The following UNC5D variants were observed in gnomAD, a reference collection of about 807,000 sequenced individuals.
The protein encoded by UNC5D is netrin receptor UNC5D.
UNC5D carries 39 observed loss-of-function variants against 105.4 expected under a neutral mutation model. The ratio of observed to expected loss-of-function variants is 0.37; its 90% confidence interval spans 0.29 to 0.48. The LOEUF (loss-of-function observed/expected upper bound fraction) is 0.48. Ranked by LOEUF, UNC5D falls within the 20% of genes least tolerant of loss-of-function variation. UNC5D has a pLI of 0.98. For synonymous variants in UNC5D, 452 were observed against 450.4 expected (o/e 1.00, Z -0.04); for missense variants, 991 against 1,202.4 (o/e 0.82, Z 2.60).
intron 8 of UNC5D, among the ~76,000 whole-genome samples, chr8:35,712,225 T>C (rs991606060): frequency 5.9e-5 from 9 of 152,162 alleles, no homozygotes; most frequent in Admixed American, 5.9e-4. Flanking sequence ...GAGTCAACAT[T>C]GCGCCACTGT....
At chr8:35,761,743 T>C (rs1222878207) in intron 14 of UNC5D, among the ~76,000 whole-genome samples, 1 of 152,116 alleles carries the variant, frequency 6.6e-6, no homozygotes, top group Non-Finnish European at 1.5e-5. Context: ...ACCACCAATT[T>C]CCTTGCCCTT....
At chr8:35,370,601 T>G (rs374888400) in intron 1 of UNC5D, among the ~76,000 whole-genome samples, 3 of 152,334 alleles carry the variant, frequency 2.0e-5, no homozygotes, top group East Asian at 3.9e-4. Flanking sequence ...TGTCAGCTTT[T>G]TCTTTATTTC....
rs190867122 is a variant in UNC5D, at chr8:35,261,280, A to G, written c.103+25393A>G. ...TTTATTGCCAGTACCTTCTATACCC[A>G]TTGAGCTATTCAGAACCCTGCACAA... On this transcript the variant is annotated intron_variant, in intron 1 of 16. Coordinates refer to ENST00000404895, the MANE Select transcript of UNC5D (RefSeq NM_080872.4). Among the ~76,000 whole-genome samples the G allele has an allele frequency of 2.4e-4, 37 of 152,278 alleles. 1 individual carries two copies. Among genetic ancestry groups the G allele is most frequent in the Admixed American group, 2.4e-3 (37 of 15,288 alleles).
In UNC5D at chr8:35,337,923, C is replaced by T. The variant is rs191737925; in HGVS notation, c.103+102036C>T. Among the ~76,000 whole-genome samples the T allele has an allele frequency of 3.5e-3, 529 of 152,302 alleles. 5 individuals are homozygous for T. Among genetic ancestry groups the T allele is most frequent in the African/African-American group, 0.012 (507 of 41,570 alleles). ...TGCATTATCCAAATTGATTGGCATA[C>T]AGTAAAAATTTAATTTGCCTTTTGC... On this transcript the variant is annotated intron_variant, in intron 1 of 16. Coordinates refer to ENST00000404895, the MANE Select transcript of UNC5D (RefSeq NM_080872.4).
intron 4 of UNC5D, among the ~76,000 whole-genome samples, chr8:35,610,864 A>G (rs1820629441): frequency 6.6e-6 from 1 of 152,144 alleles, no homozygotes; most frequent in Admixed American, 6.6e-5. Flanking sequence ...TCACGGTTGC[A>G]CAATGGGAAA....
chr8:35,490,054 A>G (rs951217856), intron 1 of UNC5D, among the ~76,000 whole-genome samples: 2 of 152,232 alleles, frequency 1.3e-5, no homozygotes, highest in Non-Finnish European at 2.9e-5. Flanking sequence ...AGAGGAAAGG[A>G]TACATTATGA....
intron 12 of UNC5D, among the ~76,000 whole-genome samples, chr8:35,749,169 T>A (rs922130728): frequency 6.6e-6 from 1 of 152,200 alleles, no homozygotes; most frequent in African/African-American, 2.4e-5. Context: ...TATTTTTTTT[T>A]AGTTAACGAA....
intron 1 of UNC5D, among the ~76,000 whole-genome samples, chr8:35,272,434 A>T (rs1805475692): frequency 6.6e-6 from 1 of 152,146 alleles, no homozygotes. Context: ...CTTCAAGGTC[A>T]ATATCCTTGC....
intron 3 of UNC5D, among the ~76,000 whole-genome samples, chr8:35,575,690 T>C (rs1266952002): frequency 2.6e-5 from 4 of 152,108 alleles, no homozygotes. Context: ...TACAAAAGCT[T>C]GAAACTCTCC....
At chr8:35,492,532 C>T (rs370326711) in intron 1 of UNC5D, among the ~76,000 whole-genome samples, 48 of 152,160 alleles carry the variant, frequency 3.2e-4, no homozygotes, top group African/African-American at 1.1e-3. Flanking sequence ...GATTTTTCCT[C>T]TTCCTCTGAA....
intron 1 of UNC5D, among the ~76,000 whole-genome samples, chr8:35,323,316 A>G (rs1809896300): frequency 6.6e-6 from 1 of 151,594 alleles, no homozygotes; most frequent in Non-Finnish European, 1.5e-5. Flanking sequence ...TCTAAAAAGG[A>G]GTGGCTACCT....
At chr8:35,257,145 T>C (rs1804139914) in intron 1 of UNC5D, among the ~76,000 whole-genome samples, 1 of 151,980 alleles carries the variant, frequency 6.6e-6, no homozygotes, top group African/African-American at 2.4e-5. Flanking sequence ...CTAATTTTTT[T>C]ATTTGTAGTA....
At chr8:35,448,341 A>G (rs190804989) in intron 1 of UNC5D, among the ~76,000 whole-genome samples, 19 of 152,200 alleles carry the variant, frequency 1.2e-4, no homozygotes, top group Non-Finnish European at 2.5e-4. Flanking sequence ...TTATTTCAAA[A>G]TTGCTTTAAA....
chr8:35,568,566 G>A (rs1817514826), intron 3 of UNC5D, among the ~76,000 whole-genome samples: 1 of 152,192 alleles, frequency 6.6e-6, no homozygotes, highest in African/African-American at 2.4e-5. Context: ...GTGTGCGTCT[G>A]TCGTCCCAGC....
chr8:35,671,222 C>T (rs774997979), intron 4 of UNC5D, among the ~76,000 whole-genome samples: 1 of 152,070 alleles, frequency 6.6e-6, no homozygotes, highest in Non-Finnish European at 1.5e-5. Context: ...TATTTGTTTC[C>T]TTAATTGCTA....
chr8:35,624,552 C>T (rs1821583544), intron 4 of UNC5D, among the ~76,000 whole-genome samples: 1 of 152,130 alleles, frequency 6.6e-6, no homozygotes, highest in Non-Finnish European at 1.5e-5. Flanking sequence ...AATCGTTGAC[C>T]GAGTGGTCTC....
At chr8:35,358,916 G>A (rs978483705) in intron 1 of UNC5D, among the ~76,000 whole-genome samples, 1 of 152,180 alleles carries the variant, frequency 6.6e-6, no homozygotes, top group Non-Finnish European at 1.5e-5. Context: ...TTATATGAAT[G>A]AGTTAAGAAT....
chr8:35,425,427 A>G lies in UNC5D; in HGVS notation c.104-123865A>G, dbSNP rs191902622. 2.4e-4 allele frequency among the ~76,000 whole-genome samples: 36 copies of G among 152,238 alleles called. No individual in the cohort carries two copies. The East Asian group carries it at 6.8e-3, about 29-fold the overall frequency. Reference sequence around the variant, plus strand: ...TAGAGCTTCTGTTTATCCAGGCACAAAATGTGGTAAATGCTGATGTGTAAA... The same window carrying G: ...TAGAGCTTCTGTTTATCCAGGCACAGAATGTGGTAAATGCTGATGTGTAAA... On this transcript the variant is annotated intron_variant, in intron 1 of 16. Transcript: ENST00000404895.
At chr8:35,605,312 C>T (rs1820212925) in intron 4 of UNC5D, among the ~76,000 whole-genome samples, 1 of 152,224 alleles carries the variant, frequency 6.6e-6, no homozygotes, top group Non-Finnish European at 1.5e-5. Context: ...AGGTCCACTC[C>T]AGACTCTGTT....
Sources: gnomAD v4.1 joint callset for allele counts (sites outside exome capture counted in the v4.1 genomes callset) on GRCh38, gnomAD v4.1.1 for gene constraint, MANE v1.5 for transcripts, NCBI Gene and HGNC (gene_info 2026-07-23, HGNC 2026-07-21) for gene names.